Variants in MASP2 observed in about 807,000 individuals in gnomAD.
MASP2 encodes MBL associated serine protease 2, also known as mannan-binding lectin serine protease 2.
Under a neutral mutation model 57.1 loss-of-function variants are expected in MASP2, and 49 were observed. The observed-to-expected ratio is 0.86, with a 90% CI of 0.68 to 1.09. The LOEUF (loss-of-function observed/expected upper bound fraction) is 1.09. Among genes scored for constraint, MASP2 ranks in the 50% least tolerant of loss-of-function variants. The pLI is 0.00. For missense variants in MASP2, 900 were observed against 874.8 expected (o/e 1.03, Z -0.36); for synonymous variants, 379 against 340.8 (o/e 1.11, Z -1.24).
chr1:11,030,279 T>TG, intron 9 of MASP2, 29 bp from the exon 10 acceptor site: 6 of 1,501,378 alleles, frequency 4.0e-6, no homozygotes, highest in Non-Finnish European at 5.6e-6. Context: ...GCAAAAATGT[T>TG]TAACTGCATG....
At chr1:11,033,990 C>A (rs1216991221) in intron 8 of MASP2, among the ~76,000 whole-genome samples, 2 of 151,404 alleles carry the variant, frequency 1.3e-5, no homozygotes, top group Non-Finnish European at 2.9e-5. Context: ...CTCTCTCACA[C>A]ACTTTGGGAG....
In MASP2 at chr1:11,027,033, A is replaced by G; in HGVS notation, c.1913T>C (p.Val638Ala). ...CCTCTCTGTTTCACTATCTAGAAAC[A>G]CCAGTGCCCCTCCGCTGTCACCTCT... The part of the protein sequence containing the change: ...SCRGDSGGAL[V>A]FLDSETERWF... Residue 638 changes from valine (V) to alanine (A), a missense_variant, in exon 11 of 11, where the codon GTG becomes GCG. Physicochemically the swap from Val to Ala is moderately conservative, Grantham distance 64. Coordinates refer to ENST00000400897, the MANE Select transcript of MASP2 (RefSeq NM_006610.4). The G allele has an allele frequency of 6.3e-7, 1 of 1,597,032 alleles. No homozygotes were observed. Among genetic ancestry groups the G allele is most frequent in the South Asian group, 1.1e-5 (1 of 88,020 alleles).
chr1:11,028,443 A>T (rs140318378), intron 10 of MASP2, among the ~76,000 whole-genome samples: 89 of 152,360 alleles, frequency 5.8e-4, no homozygotes, highest in African/African-American at 2.0e-3. Context: ...TTTAGAAATT[A>T]GAATGTTGCA....
In MASP2 at chr1:11,027,289, G is replaced by C. The variant is rs1643753415; in HGVS notation, c.1657C>G (p.Leu553Val). The C allele has an allele frequency of 6.2e-7, 1 of 1,613,828 alleles. No individual in the cohort carries two copies. Among genetic ancestry groups the C allele is most frequent in the South Asian group, 1.1e-5 (1 of 91,038 alleles). Reference protein sequence around the residue: ...VINSNITPICLPRKEAESFMR... With the variant: ...VINSNITPICVPRKEAESFMR... ...AAGGATTCAGCTTCTTTTCTTGGCA[G>C]ACAAATAGGCGTGATGTTGCTATTG... Residue 553 changes from leucine to valine, a missense_variant, in exon 11 of 11, where the codon CTG (leucine) becomes GTG (valine). Leu to Val is a conservative substitution (Grantham distance 32). Transcript: ENST00000400897.
intron 8 of MASP2, among the ~76,000 whole-genome samples, chr1:11,034,099 G>A (rs78865217): frequency 0.036 from 5,473 of 151,852 alleles, 232 homozygotes; most frequent in East Asian, 0.21. Flanking sequence ...TTAGCCGGGT[G>A]TAGTGACATG....
At chr1:11,034,975 C>G in intron 7 of MASP2, 69 bp from the exon 8 acceptor site, 1 of 1,122,348 alleles carries the variant, frequency 8.9e-7, no homozygotes, top group East Asian at 2.6e-5. Context: ...AAGCTGTGCT[C>G]TCACAGCAGT....
In MASP2 at chr1:11,043,371, G is replaced by A. The variant is rs1638520130; in HGVS notation, c.709C>T (p.Pro237Ser). 3 of 1,609,246 alleles carry A rather than the reference G, an allele frequency of 1.9e-6. No individual in the cohort carries two copies. The highest frequency in any genetic ancestry group is 3.4e-5 in the Admixed American group (2 of 59,398). Residue 237 changes from proline (P) to serine (S), a missense_variant, in exon 5 of 11, where the codon CCT becomes TCT. Transcript: ENST00000400897. ...FVESFDVETH[P>S]ETLCPYDFLK... is the part of the protein sequence containing the mutation. ...AAGTCGTAGGGACACAGGGTTTCAG[G>A]GTGTGTCTCCACATCGAAGGACTCC...
intron 10 of MASP2, 30 bp from the exon 11 acceptor site, chr1:11,027,678 C>A: frequency 6.5e-7 from 1 of 1,545,514 alleles, no homozygotes; most frequent in Non-Finnish European, 8.7e-7. Context: ...GGTAGAGAGC[C>A]TTTGTAAAAA....
At position 11,045,514 on chromosome 1, in the gene MASP2, CGGGGCCACCTGGCACTCGTCAATGTCTGG is replaced by C; in HGVS notation, c.413-4_437del. On this transcript the variant is annotated splice_acceptor_variant and splice_polypyrimidine_tract_variant and coding_sequence_variant and intron_variant, in exon 4 of 11. Coordinates refer to ENST00000400897, the MANE Select transcript of MASP2 (RefSeq NM_006610.4). LOFTEE classifies it high-confidence loss of function. The stretch of plus-strand genomic sequence containing the variant: ...GGTGGTCGCAGGTGGGCGCCTCTCC[CGGGGCCACCTGGCACTCGTCAATGTCTGG>C]GGGAGAGGCAGGGCCAGGCAGGCCG... 1 of 1,608,688 alleles carries C rather than the reference CGGGGCCACCTGGCACTCGTCAATGTCTGG, an allele frequency of 6.2e-7. No individual in the cohort carries two copies.
At chr1:11,031,454 G>A (rs1303372043) in intron 8 of MASP2, among the ~76,000 whole-genome samples, 2 of 149,514 alleles carry the variant, frequency 1.3e-5, no homozygotes, top group Admixed American at 6.7e-5. Context: ...GCATGAACCC[G>A]GGAGGCGGAG....
chr1:11,037,383 C>A (rs1638272990), intron 7 of MASP2, among the ~76,000 whole-genome samples: 1 of 152,182 alleles, frequency 6.6e-6, no homozygotes, highest in Non-Finnish European at 1.5e-5. Flanking sequence ...GCCACCGCGC[C>A]TGGCCAAGTT....
intron 10 of MASP2, among the ~76,000 whole-genome samples, chr1:11,029,318 T>C (rs1039350290): frequency 1.3e-5 from 2 of 150,820 alleles, no homozygotes; most frequent in Admixed American, 6.6e-5. Context: ...TTTTTTTAAA[T>C]CATTCTACAG....
chr1:11,046,938 G>A lies in MASP2; in HGVS notation c.187C>T (p.His63Tyr), dbSNP rs1331679868. 1.3e-6 allele frequency: 2 copies of A among 1,571,962 alleles called. No individual in the cohort carries two copies. The highest frequency in any genetic ancestry group is 1.7e-6 in the Non-Finnish European group (2 of 1,158,390). Reference protein sequence around the residue: ...PGYRLRLYFTHFDLELSHLCE... With the variant: ...PGYRLRLYFTYFDLELSHLCE... Reference sequence around the variant, plus strand: ...AGGTGGGAGAGCTCCAGGTCGAAGTGGGTGAAGTAGAGGCGCAGGCGGTAG... The same window carrying A: ...AGGTGGGAGAGCTCCAGGTCGAAGTAGGTGAAGTAGAGGCGCAGGCGGTAG... The change falls in exon 2 of 11, where the codon CAC (histidine) becomes TAC (tyrosine). Residue 63 changes from histidine (H) to tyrosine (Y), a missense_variant. Physicochemically the swap from His to Tyr is moderately conservative, Grantham distance 83 (BLOSUM62 2). Transcript: ENST00000400897.
At chr1:11,037,921 G>C in intron 6 of MASP2, 110 bp from the exon 7 acceptor site, 1 of 581,138 alleles carries the variant, frequency 1.7e-6, no homozygotes, top group East Asian at 3.0e-5. Flanking sequence ...CATGTAAAGA[G>C]AGCTCACCAT....
chr1:11,033,707 G>C (rs905067890), intron 8 of MASP2, among the ~76,000 whole-genome samples: 1 of 152,052 alleles, frequency 6.6e-6, no homozygotes, highest in Non-Finnish European at 1.5e-5. Flanking sequence ...GAGGCGGGCA[G>C]ATCACTTGAC....
At chr1:11,031,933 T>C (rs1643853292) in intron 8 of MASP2, among the ~76,000 whole-genome samples, 1 of 152,116 alleles carries the variant, frequency 6.6e-6, no homozygotes, top group East Asian at 1.9e-4. Context: ...CAGCTTATTC[T>C]TCTGATCCTT....
intron 10 of MASP2, among the ~76,000 whole-genome samples, chr1:11,028,581 TGTG>T (rs976839820): frequency 6.6e-6 from 1 of 152,204 alleles, no homozygotes; most frequent in Non-Finnish European, 1.5e-5. Flanking sequence ...TGTTTGCTGT[TGTG>T]GTAGTGTACT....
intron 10 of MASP2, 123 bp from the exon 11 acceptor site, chr1:11,027,771 G>C (rs1643764764): frequency 1.0e-6 from 1 of 996,218 alleles, no homozygotes; most frequent in Admixed American, 2.8e-5. Context: ...ATGAATTGGT[G>C]GGTGACTACC....
chr1:11,028,037 C>T (rs929535949), intron 10 of MASP2, among the ~76,000 whole-genome samples: 12 of 152,076 alleles, frequency 7.9e-5, no homozygotes, highest in African/African-American at 2.9e-4. Flanking sequence ...GCCTGGCCAA[C>T]ATGGTGAGAC....
Sources: allele counts gnomAD v4.1 joint callset (sites outside exome capture counted in the v4.1 genomes callset), GRCh38; gene constraint gnomAD v4.1.1; transcripts MANE v1.5; gene names NCBI Gene and HGNC (gene_info 2026-07-23, HGNC 2026-07-21).